Variants in CCSER2 observed in about 807,000 individuals in gnomAD.
CCSER2 encodes coiled-coil serine rich protein 2.
A neutral mutation model predicts 92.3 loss-of-function variants in CCSER2; 46 were observed. The observed-to-expected ratio is 0.50, with a 90% CI of 0.39 to 0.64. CCSER2 has a LOEUF of 0.64. Ranked by LOEUF, CCSER2 falls within the 30% of genes least tolerant of loss-of-function variation. CCSER2 has a pLI of 0.00. For synonymous variants in CCSER2, 433 were observed against 431.4 expected (o/e 1.00, Z -0.04); for missense variants, 1,244 against 1,238.9 (o/e 1.00, Z -0.06).
chr10:84,333,405 G>A (rs946183390), intron 1 of CCSER2, among the ~76,000 whole-genome samples: 48 of 152,172 alleles, frequency 3.2e-4, no homozygotes, highest in Admixed American at 6.5e-4. Flanking sequence ...TCATTTTGTG[G>A]ATATGAAAAT....
At chr10:84,509,627 T>C (rs1849246672) in intron 9 of CCSER2, among the ~76,000 whole-genome samples, 1 of 152,202 alleles carries the variant, frequency 6.6e-6, no homozygotes, top group South Asian at 2.1e-4. Flanking sequence ...AGTTGCTGAG[T>C]TCAGTTAGAG....
intron 3 of CCSER2, among the ~76,000 whole-genome samples, chr10:84,399,952 G>A (rs575772648): frequency 6.6e-6 from 1 of 151,904 alleles, no homozygotes; most frequent in South Asian, 2.1e-4. Context: ...TGGGCGTTAA[G>A]TGGTATTTTA....
intron 1 of CCSER2, among the ~76,000 whole-genome samples, chr10:84,334,293 T>C (rs1314312872): frequency 6.6e-6 from 1 of 152,094 alleles, no homozygotes; most frequent in Non-Finnish European, 1.5e-5. Context: ...TTTCTGCCTC[T>C]TTGGCTTCTG....
At chr10:84,409,132 A>G (rs1298720135) in intron 3 of CCSER2, among the ~76,000 whole-genome samples, 1 of 151,982 alleles carries the variant, frequency 6.6e-6, no homozygotes, top group Non-Finnish European at 1.5e-5. Context: ...CTGGAATTAC[A>G]GGTGCCTGCC....
chr10:84,430,299 C>T (rs1303509799), intron 5 of CCSER2, among the ~76,000 whole-genome samples: 2 of 152,174 alleles, frequency 1.3e-5, no homozygotes, highest in Non-Finnish European at 2.9e-5. Context: ...TGTACATACA[C>T]AGCCTATACA....
At chr10:84,445,446 C>CT in intron 6 of CCSER2, among the ~76,000 whole-genome samples, 1 of 152,242 alleles carries the variant, frequency 6.6e-6, no homozygotes, top group Non-Finnish European at 1.5e-5. Flanking sequence ...AGCCACCGCA[C>CT]CTGGCCGGTA....
intron 6 of CCSER2, among the ~76,000 whole-genome samples, chr10:84,440,812 A>G (rs1347900885): frequency 6.6e-6 from 1 of 152,212 alleles, no homozygotes; most frequent in African/African-American, 2.4e-5. Flanking sequence ...GGTTGGTATG[A>G]AATAGTTTCG....
chr10:84,409,919 C>G (rs1165961167), intron 3 of CCSER2, among the ~76,000 whole-genome samples: 1 of 152,254 alleles, frequency 6.6e-6, no homozygotes, highest in East Asian at 1.9e-4. Context: ...TCCTCCCACC[C>G]CCTGCCCTCT....
At chr10:84,412,457 ACT>A (rs1020866320) in intron 3 of CCSER2, among the ~76,000 whole-genome samples, 8 of 151,514 alleles carry the variant, frequency 5.3e-5, no homozygotes, top group Non-Finnish European at 1.0e-4. Flanking sequence ...GCTATTTATT[ACT>A]GGCTCAATTT....
At chr10:84,409,147 C>T (rs1055264830) in intron 3 of CCSER2, among the ~76,000 whole-genome samples, 10 of 151,698 alleles carry the variant, frequency 6.6e-5, no homozygotes, top group East Asian at 3.9e-4. Context: ...CCTGCCACAA[C>T]GCCTGGCTAA....
intron 3 of CCSER2, chr10:84,389,560 C>T (rs561496057): frequency 4.1e-6 from 1 of 241,840 alleles, no homozygotes; most frequent in Admixed American, 5.3e-5. Context: ...GTGGCATTGA[C>T]TTTACCTCGA....
chr10:84,460,087 A>ATTTTTT (rs34335757), intron 6 of CCSER2, among the ~76,000 whole-genome samples: 14 of 103,254 alleles, frequency 1.4e-4, no homozygotes, highest in African/African-American at 3.9e-4. Flanking sequence ...TGATTCTTCG[A>ATTTTTT]TTTTTTTTTT....
At position 84,372,337 on chromosome 10, in the gene CCSER2, A is replaced by G; in HGVS notation, c.1285A>G (p.Ile429Val). ...TATAGAAGACTCCAACAGAACTAGA[A>G]TAACTCCAGAGGAAATGTCTCTCAA... is the stretch of plus-strand genomic sequence containing the variant. ...IDIEDSNRTR[I>V]TPEEMSLKEE... Residue 429 changes from isoleucine to valine, a missense_variant, in exon 2 of 10, where the codon ATA becomes GTA. By Grantham distance (29) the Ile-to-Val change is conservative. Transcript: ENST00000372088. The G allele has an allele frequency of 1.2e-6, 2 of 1,612,472 alleles. 1 individual carries two copies. Among genetic ancestry groups the G allele is most frequent in the South Asian group, 2.2e-5 (2 of 90,910 alleles).
In CCSER2 at chr10:84,514,307, A is replaced by G. The variant is rs531865461; in HGVS notation, c.*40A>G. Reference sequence around the variant, plus strand: ...CCTGCCAATTTGTTTCTTAAAAACAATCTCTTCTGTAATAGCTTTATGTGC... The same window carrying G: ...CCTGCCAATTTGTTTCTTAAAAACAGTCTCTTCTGTAATAGCTTTATGTGC... On this transcript the variant is annotated 3_prime_UTR_variant, in exon 10 of 10. Transcript: ENST00000372088. The G allele has an allele frequency of 1.8e-4, 245 of 1,378,560 alleles. No individual in the cohort carries two copies. The Middle Eastern group carries it at 1.8e-3, about 10-fold the overall frequency. The allele number at this position is 1,378,560 out of a possible 1,614,324, so 85.4% of individuals were successfully genotyped here. A position where few individuals can be genotyped will look rare whatever the true frequency, so the allele number is the denominator to read the frequency against.
intron 6 of CCSER2, among the ~76,000 whole-genome samples, chr10:84,457,036 A>G (rs1420789971): frequency 1.3e-5 from 2 of 150,316 alleles, no homozygotes; most frequent in Non-Finnish European, 3.0e-5. Flanking sequence ...TTTTTGGGCA[A>G]CTATGTACAA....
intron 3 of CCSER2, among the ~76,000 whole-genome samples, chr10:84,378,112 G>A (rs895287152): frequency 6.6e-6 from 1 of 152,206 alleles, no homozygotes; most frequent in Non-Finnish European, 1.5e-5. Context: ...ATTTCAGAGA[G>A]AAAGCCTTAA....
At chr10:84,462,908 A>C (rs1404979414) in intron 6 of CCSER2, among the ~76,000 whole-genome samples, 1 of 152,216 alleles carries the variant, frequency 6.6e-6, no homozygotes, top group East Asian at 1.9e-4. Context: ...GGAAGATTGC[A>C]ATGTTATGTT....
At chr10:84,466,805 G>T (rs1039083111) in intron 7 of CCSER2, among the ~76,000 whole-genome samples, 3 of 151,938 alleles carry the variant, frequency 2.0e-5, no homozygotes, top group Non-Finnish European at 2.9e-5. Flanking sequence ...AAGCCACCGC[G>T]CCCGGCCTCC....
At chr10:84,412,628 C>T (rs1842709370) in intron 3 of CCSER2, among the ~76,000 whole-genome samples, 2 of 152,200 alleles carry the variant, frequency 1.3e-5, no homozygotes, top group East Asian at 3.9e-4. Flanking sequence ...AAAGTGGGAC[C>T]AGGGGGCCAT....
Sources: allele counts gnomAD v4.1 joint callset (sites outside exome capture counted in the v4.1 genomes callset), GRCh38; gene constraint gnomAD v4.1.1; transcripts MANE v1.5; gene names NCBI Gene and HGNC (gene_info 2026-07-23, HGNC 2026-07-21).